DMD: variants seen among roughly 807,000 people sequenced by gnomAD.
DMD encodes mutant dystrophin.
Under a neutral mutation model 330.1 loss-of-function variants are expected in DMD, and 63 were observed. The ratio of observed to expected loss-of-function variants is 0.19; its 90% CI spans 0.16 to 0.24. DMD has a LOEUF of 0.24. DMD is among the 10% of genes least tolerant of loss of function. The pLI, the probability that DMD is intolerant of heterozygous loss-of-function variation, is 1.00. For missense variants in DMD, 3,344 were observed against 2,684.1 expected (o/e 1.25, Z -5.43); for synonymous variants, 1,223 against 959.8 (o/e 1.27, Z -5.07).
chrX:32,435,120 C>A (rs2098254526), intron 29 of DMD, among the ~76,000 whole-genome samples: 2 of 107,670 alleles, frequency 1.9e-5, no homozygotes, highest in Non-Finnish European at 3.8e-5. Context: ...TATCTGTCTT[C>A]ACATTTTATT....
At chrX:32,516,184 G>T (rs1445190037) in intron 18 of DMD, among the ~76,000 whole-genome samples, 3 of 111,282 alleles carry the variant, frequency 2.7e-5, no homozygotes, top group African/African-American at 9.9e-5. Context: ...AGGTGATGTA[G>T]TAAGAAAATT....
intron 1 of DMD, among the ~76,000 whole-genome samples, chrX:33,145,668 C>T (rs1210204781): frequency 9.3e-6 from 1 of 107,174 alleles, no homozygotes; most frequent in African/African-American, 3.4e-5. Context: ...CAGTAATGTC[C>T]AGTAGAAAGT....
chrX:33,283,935 G>A (rs892770875), intron 1 of DMD, among the ~76,000 whole-genome samples: 21 of 109,153 alleles, frequency 1.9e-4, no homozygotes, highest in African/African-American at 4.3e-4. Context: ...GGAGAATGGC[G>A]TGAACCCGGG....
intron 45 of DMD, among the ~76,000 whole-genome samples, chrX:31,948,053 T>A (rs2095112043): frequency 9.0e-6 from 1 of 111,458 alleles, no homozygotes; most frequent in African/African-American, 3.3e-5. Context: ...CTGGTTACTA[T>A]CATTCTACTC....
intron 17 of DMD, among the ~76,000 whole-genome samples, chrX:32,543,050 G>T (rs1276124645): frequency 1.8e-5 from 2 of 111,877 alleles, no homozygotes; most frequent in Non-Finnish European, 3.8e-5. Context: ...CTGTAGCTGT[G>T]TATAATTTTA....
chrX:31,302,048 G>C (rs890838569), intron 62 of DMD, among the ~76,000 whole-genome samples: 3 of 112,267 alleles, frequency 2.7e-5, no homozygotes, highest in Non-Finnish European at 3.8e-5. Context: ...AGAGGAATTT[G>C]AAGTCTCTGG....
At chrX:32,878,643 T>A (rs2083583929) in intron 2 of DMD, among the ~76,000 whole-genome samples, 2 of 111,272 alleles carry the variant, frequency 1.8e-5, no homozygotes, top group South Asian at 7.6e-4. Flanking sequence ...GATAGAATCT[T>A]ACTGATTTTT....
chrX:32,373,514 T>C (rs1222352678), intron 34 of DMD, among the ~76,000 whole-genome samples: 3 of 111,530 alleles, frequency 2.7e-5, no homozygotes, highest in African/African-American at 6.5e-5. Context: ...AATAAACAAA[T>C]ATAAATTGAT....
Position 31,440,473 on chromosome X carries a change from G to A in DMD, c.9084+4008C>T, listed in dbSNP as rs747433833. Reference sequence around the variant, plus strand: ...CATTATTGCTTTGTTAAGTCCAAACGTAATAGGATTTTGAGAAGAGGAGAC... The same window carrying A: ...CATTATTGCTTTGTTAAGTCCAAACATAATAGGATTTTGAGAAGAGGAGAC... On this transcript the variant is annotated intron_variant, in intron 60 of 78. Coordinates refer to ENST00000357033, the MANE Select transcript of DMD (RefSeq NM_004006.3). Among the ~76,000 whole-genome samples, 25 of 111,955 alleles carry A rather than the reference G, an allele frequency of 2.2e-4. No homozygotes were observed. In the South Asian group the frequency reaches 6.8e-3, roughly 30 times the overall value.
intron 62 of DMD, among the ~76,000 whole-genome samples, chrX:31,272,664 A>T (rs140105574): frequency 0.043 from 4,837 of 112,350 alleles, 97 homozygotes; most frequent in Non-Finnish European, 0.069. Flanking sequence ...TTGTAAAAAA[A>T]TCAGGGAAGT....
intron 45 of DMD, among the ~76,000 whole-genome samples, chrX:31,958,819 T>G (rs2074355635): frequency 8.9e-6 from 1 of 111,787 alleles, no homozygotes; most frequent in Non-Finnish European, 1.9e-5. Flanking sequence ...GACTTACCTA[T>G]TCAAATGCGT....
chrX:32,194,440 C>A lies in DMD; in HGVS notation c.6438+22476G>T, dbSNP rs2096989444. Among the ~76,000 whole-genome samples, 4 of 111,974 alleles carry A rather than the reference C, an allele frequency of 3.6e-5. No homozygotes were observed. In the South Asian group the frequency reaches 1.5e-3, roughly 41 times the overall value. ...GCTGTGCTTTAACTTCATGTAAATA[C>A]CCATATTTGTGTCTATGACTTTTGG... On this transcript the variant is annotated intron_variant, in intron 44 of 78. Coordinates refer to ENST00000357033, the MANE Select transcript of DMD (RefSeq NM_004006.3).
At chrX:32,545,081 T>C in intron 17 of DMD, 78 bp downstream of exon 17, 2 of 1,013,121 alleles carry the variant, frequency 2.0e-6, no homozygotes, top group Admixed American at 4.6e-5. Flanking sequence ...ATTGCTGAAG[T>C]GAAAACACCA....
At chrX:32,798,712 G>A (rs369401141) in intron 7 of DMD, among the ~76,000 whole-genome samples, 12 of 111,589 alleles carry the variant, frequency 1.1e-4, no homozygotes, top group East Asian at 2.8e-4. Context: ...TTGAAATACC[G>A]TATATAGAGA....
intron 41 of DMD, among the ~76,000 whole-genome samples, chrX:32,340,013 T>C (rs2097733486): frequency 8.9e-6 from 1 of 111,866 alleles, no homozygotes. Flanking sequence ...GGCGTAAGAA[T>C]TGGGAAAGAT....
At position 32,708,669 on chromosome X, in the gene DMD, A is replaced by G. The variant is rs188363863; in HGVS notation, c.650-9376T>C. ...CATGATACCAATTCACCAAGCAATT[A>G]ATCACGTTTTATAATTAGAATGGCT... On this transcript the variant is annotated intron_variant, in intron 7 of 78. Coordinates refer to ENST00000357033, the MANE Select transcript of DMD (RefSeq NM_004006.3). Among the ~76,000 whole-genome samples the G allele has an allele frequency of 2.7e-5, 3 of 111,667 alleles. No individual in the cohort carries two copies. In the East Asian group the frequency reaches 8.4e-4, roughly 31 times the overall value.
intron 37 of DMD, among the ~76,000 whole-genome samples, chrX:32,357,439 G>C (rs1177847628): frequency 9.0e-6 from 1 of 110,994 alleles, no homozygotes; most frequent in South Asian, 3.8e-4. Flanking sequence ...TCTGAGTGTG[G>C]GGCCCAGCAC....
intron 55 of DMD, among the ~76,000 whole-genome samples, chrX:31,541,260 A>G (rs746373162): frequency 1.8e-5 from 2 of 112,055 alleles, no homozygotes; most frequent in Non-Finnish European, 3.8e-5. Context: ...ACTTTTGTGT[A>G]TGTTTGGAAC....
chrX:32,245,694 A>T (rs2097233464), intron 43 of DMD, among the ~76,000 whole-genome samples: 1 of 55,004 alleles, frequency 1.8e-5, no homozygotes, highest in Non-Finnish European at 3.2e-5. Flanking sequence ...TGTAAGTTGG[A>T]TTCCTAGGTA....
Sources: gnomAD v4.1 joint callset for allele counts (sites outside exome capture counted in the v4.1 genomes callset) on GRCh38, gnomAD v4.1.1 for gene constraint, MANE v1.5 for transcripts, NCBI Gene and HGNC (gene_info 2026-07-23, HGNC 2026-07-21) for gene names.